Variants in CDH8 observed in about 807,000 individuals in gnomAD.
CDH8 encodes the protein cadherin-8.
A neutral mutation model predicts 68.1 loss-of-function variants in CDH8; 17 were observed. That is an observed-to-expected ratio of 0.25 (90% CI 0.17 to 0.37). The LOEUF is 0.37. CDH8 is among the 10% of genes least tolerant of loss of function. The pLI, the probability that CDH8 is intolerant of heterozygous loss-of-function variation, is 1.00. For synonymous variants in CDH8, 372 were observed against 365.1 expected (o/e 1.02, Z -0.21); for missense variants, 763 against 999.3 (o/e 0.76, Z 3.19).
Position 61,768,386 on chromosome 16 carries a change from C to CCCTT in CDH8, c.1414+20959_1414+20960insAAGG, listed in dbSNP as rs1567461262. On this transcript the variant is annotated intron_variant, in intron 8 of 11. Transcript: ENST00000577390. ...TCTCTCTCCCTTTCTCTCTCTCTCTCTCTCTCTCCCTTTCTCTCTCTCTCT... is the reference window on the plus strand; with the variant it reads ...TCTCTCTCCCTTTCTCTCTCTCTCTCCCTTTCTCTCTCCCTTTCTCTCTCTCTCT... Among the ~76,000 whole-genome samples the CCCTT allele has an allele frequency of 4.5e-4, 39 of 86,792 alleles. 2 individuals carry two copies. The highest frequency in any genetic ancestry group is 6.9e-3 in the Middle Eastern group (1 of 144). The allele number at this position is 86,792 out of a possible 152,430, so 56.9% of individuals were successfully genotyped here.
chr16:61,973,551 G>A (rs1965381648), intron 2 of CDH8, among the ~76,000 whole-genome samples: 2 of 152,154 alleles, frequency 1.3e-5, no homozygotes, highest in South Asian at 4.1e-4. Context: ...TGAATCAGGT[G>A]CATGTGGTTA....
chr16:61,677,518 GT>G (rs1478697315), intron 10 of CDH8, among the ~76,000 whole-genome samples: 7 of 151,790 alleles, frequency 4.6e-5, no homozygotes, highest in Non-Finnish European at 5.9e-5. Context: ...ATGATCCTAT[GT>G]TTTGCTGCTA....
intron 8 of CDH8, among the ~76,000 whole-genome samples, chr16:61,759,064 G>A (rs75140733): frequency 0.018 from 2,670 of 152,226 alleles, 79 homozygotes; most frequent in African/African-American, 0.06. Flanking sequence ...ACTAAGAATC[G>A]TAACAGCATT....
At chr16:61,745,549 G>A (rs533505887) in intron 8 of CDH8, among the ~76,000 whole-genome samples, 1 of 145,412 alleles carries the variant, frequency 6.9e-6, no homozygotes, top group South Asian at 2.2e-4. Context: ...TTTTACTATT[G>A]TTTTCTTTCT....
At chr16:61,895,675 A>T (rs1963857893) in intron 3 of CDH8, among the ~76,000 whole-genome samples, 1 of 152,196 alleles carries the variant, frequency 6.6e-6, no homozygotes, top group Admixed American at 6.5e-5. Context: ...TTTGAGTAAA[A>T]TAGGATTCAT....
At chr16:61,745,942 T>C (rs531367024) in intron 8 of CDH8, among the ~76,000 whole-genome samples, 7 of 152,198 alleles carry the variant, frequency 4.6e-5, no homozygotes, top group African/African-American at 1.2e-4. Flanking sequence ...TTTAGACAAA[T>C]TTGGTTTTCT....
chr16:61,971,876 C>A (rs749816788), intron 2 of CDH8, among the ~76,000 whole-genome samples: 1 of 152,046 alleles, frequency 6.6e-6, no homozygotes, highest in Non-Finnish European at 1.5e-5. Context: ...ATATATTTTA[C>A]AATATCATCA....
intron 2 of CDH8, among the ~76,000 whole-genome samples, chr16:61,931,481 A>C (rs1333429010): frequency 6.6e-6 from 1 of 152,104 alleles, no homozygotes; most frequent in Non-Finnish European, 1.5e-5. Flanking sequence ...CAGCCTAATA[A>C]GGACTTTTCT....
intron 2 of CDH8, among the ~76,000 whole-genome samples, chr16:62,017,902 C>T (rs1191903801): frequency 6.6e-6 from 1 of 152,102 alleles, no homozygotes; most frequent in Non-Finnish European, 1.5e-5. Flanking sequence ...CCACACTATA[C>T]AACATGTACC....
chr16:61,994,007 G>C (rs1486890180), intron 2 of CDH8, among the ~76,000 whole-genome samples: 1 of 152,082 alleles, frequency 6.6e-6, no homozygotes, highest in Non-Finnish European at 1.5e-5. Flanking sequence ...CTGGCCCTCT[G>C]CTCCCATCAC....
chr16:61,654,007 G>A lies in CDH8; in HGVS notation c.2001C>T (p.Tyr667=), dbSNP rs35314742. ...CCTCCTCCCCTCCTCCTTCATCATC[G>A]TAGCGAATGATGTTTTCTCGAACGT... ...DEDVRENIIR[Y]DDEGGGEEDT... The change falls in exon 12 of 12, where the codon TAC becomes TAT. Residue 667 remains tyrosine (Y), a synonymous_variant. Coordinates refer to ENST00000577390, the MANE Select transcript of CDH8 (RefSeq NM_001796.5). 3,671 of 1,613,250 alleles carry A rather than the reference G, an allele frequency of 2.3e-3. 10 individuals are homozygous for A. The highest frequency in any genetic ancestry group is 2.8e-3 in the Non-Finnish European group (3,249 of 1,179,380).
chr16:61,778,432 C>G (rs745462598), intron 8 of CDH8, among the ~76,000 whole-genome samples: 6 of 152,042 alleles, frequency 3.9e-5, no homozygotes, highest in South Asian at 2.1e-4. Context: ...ATTGGCTATG[C>G]AATGCAGAAA....
At chr16:61,929,385 C>G (rs1440532359) in intron 2 of CDH8, among the ~76,000 whole-genome samples, 3 of 152,072 alleles carry the variant, frequency 2.0e-5, no homozygotes, top group Non-Finnish European at 4.4e-5. Context: ...GTGACCAAAA[C>G]AAAAATCTGA....
At chr16:61,719,487 T>C (rs1374542425) in intron 9 of CDH8, among the ~76,000 whole-genome samples, 1 of 151,164 alleles carries the variant, frequency 6.6e-6, no homozygotes, top group Non-Finnish European at 1.5e-5. Context: ...TTTGGTGGAC[T>C]CTGTATATCT....
intron 2 of CDH8, among the ~76,000 whole-genome samples, chr16:61,916,623 A>G (rs767054906): frequency 7.2e-5 from 11 of 152,188 alleles, no homozygotes; most frequent in Non-Finnish European, 1.2e-4. Context: ...ACTTTTTTGT[A>G]TTGATTAGAT....
intron 4 of CDH8, among the ~76,000 whole-genome samples, chr16:61,838,688 A>G (rs1174209604): frequency 6.6e-6 from 1 of 152,170 alleles, no homozygotes; most frequent in Non-Finnish European, 1.5e-5. Context: ...TGTAATGCTG[A>G]ACAAAATACC....
chr16:61,979,396 T>G (rs1189821123), intron 2 of CDH8, among the ~76,000 whole-genome samples: 1 of 152,176 alleles, frequency 6.6e-6, no homozygotes, highest in African/African-American at 2.4e-5. Flanking sequence ...GCAACATAAA[T>G]TCTCCATAAA....
At chr16:61,782,924 A>G (rs1961121410) in intron 8 of CDH8, among the ~76,000 whole-genome samples, 1 of 152,102 alleles carries the variant, frequency 6.6e-6, no homozygotes. Context: ...ATCCACACCG[A>G]AAACCTATCT....
At chr16:61,696,248 T>G (rs1051248981) in intron 10 of CDH8, among the ~76,000 whole-genome samples, 3 of 152,190 alleles carry the variant, frequency 2.0e-5, no homozygotes, top group Admixed American at 6.5e-5. Flanking sequence ...AAAACGGACC[T>G]TCCTCCATTT....
Sources: allele counts gnomAD v4.1 joint callset (sites outside exome capture counted in the v4.1 genomes callset), GRCh38; gene constraint gnomAD v4.1.1; transcripts MANE v1.5; gene names NCBI Gene and HGNC (gene_info 2026-07-23, HGNC 2026-07-21).